The following RBFOX1 variants were observed in gnomAD, a reference collection of about 807,000 sequenced individuals.
RBFOX1 encodes RNA binding fox-1 homolog 1.
In RBFOX1, 8 loss-of-function variants were observed where a neutral mutation model predicts 57.7. The ratio of observed to expected loss-of-function variants is 0.14; its 90% CI spans 0.08 to 0.25. RBFOX1 has a LOEUF of 0.25. RBFOX1 is among the 10% of genes least tolerant of loss of function. RBFOX1 has a pLI of 1.00. For synonymous variants in RBFOX1, 326 were observed against 222.4 expected (o/e 1.47, Z -4.15); for missense variants, 611 against 548.5 (o/e 1.11, Z -1.14).
intron 3 of RBFOX1, among the ~76,000 whole-genome samples, chr16:6,863,759 A>C (rs2059429461): frequency 1.4e-5 from 1 of 71,980 alleles, no homozygotes; most frequent in African/African-American, 5.8e-5. Context: ...TTTTACCAAA[A>C]CCAAATACAA....
chr16:5,458,865 G>T (rs2068708110), intron 1 of RBFOX1, among the ~76,000 whole-genome samples: 1 of 152,174 alleles, frequency 6.6e-6, no homozygotes, highest in African/African-American at 2.4e-5. Flanking sequence ...TGGGGATATA[G>T]TAGAGAACAA....
chr16:6,149,979 T>G (rs1022408116), intron 1 of RBFOX1, among the ~76,000 whole-genome samples: 2 of 152,206 alleles, frequency 1.3e-5, no homozygotes, highest in African/African-American at 4.8e-5. Flanking sequence ...TCTTAGGGGA[T>G]CGCAGACATT....
chr16:6,003,588 T>C (rs931594909), intron 4 of RBFOX1, among the ~76,000 whole-genome samples: 1 of 149,830 alleles, frequency 6.7e-6, no homozygotes, highest in African/African-American at 2.5e-5. Flanking sequence ...CCTTTTTAAA[T>C]ACAGCGACAG....
chr16:7,441,571 T>C (rs2149895969), intron 4 of RBFOX1, among the ~76,000 whole-genome samples: 1 of 152,342 alleles, frequency 6.6e-6, no homozygotes, highest in African/African-American at 2.4e-5. Context: ...AAATCTACAC[T>C]TTAGTTTCAC....
chr16:6,335,735 A>ATG (rs2083551430), intron 2 of RBFOX1, among the ~76,000 whole-genome samples: 1 of 147,358 alleles, frequency 6.8e-6, no homozygotes, highest in East Asian at 2.0e-4. Context: ...CTGAGATCGC[A>ATG]CCACTACAGT....
intron 4 of RBFOX1, among the ~76,000 whole-genome samples, chr16:7,398,783 A>G (rs776016999): frequency 5.3e-5 from 8 of 152,104 alleles, no homozygotes; most frequent in Non-Finnish European, 1.0e-4. Context: ...GGGGCCAGCT[A>G]TTTTCATTGT....
At chr16:7,131,901 C>A (rs74927889) in intron 4 of RBFOX1, among the ~76,000 whole-genome samples, 3,766 of 152,082 alleles carry the variant, frequency 0.025, 158 homozygotes, top group African/African-American at 0.086. Flanking sequence ...GAGAGGCTTC[C>A]CAGTATCTTA....
At chr16:5,272,479 C>T (rs2063037125) in intron 1 of RBFOX1, among the ~76,000 whole-genome samples, 1 of 152,186 alleles carries the variant, frequency 6.6e-6, no homozygotes, top group Non-Finnish European at 1.5e-5. Context: ...GAAGCCCTAC[C>T]TGAGATTTCT....
chr16:6,865,669 C>A (rs981220487), intron 3 of RBFOX1, among the ~76,000 whole-genome samples: 1 of 152,164 alleles, frequency 6.6e-6, no homozygotes, highest in Non-Finnish European at 1.5e-5. Flanking sequence ...ACGTAGTAAT[C>A]CCTAATTCCT....
chr16:6,521,182 A>T (rs2096490331), intron 2 of RBFOX1, among the ~76,000 whole-genome samples: 1 of 152,120 alleles, frequency 6.6e-6, no homozygotes, highest in Admixed American at 6.6e-5. Flanking sequence ...AATACCTAAC[A>T]ATGGGTATTG....
At chr16:7,136,115 A>G (rs1453528374) in intron 4 of RBFOX1, among the ~76,000 whole-genome samples, 2 of 152,202 alleles carry the variant, frequency 1.3e-5, no homozygotes, top group Admixed American at 1.3e-4. Context: ...TCAAAGGAAG[A>G]GATTGGCTGG....
intron 1 of RBFOX1, among the ~76,000 whole-genome samples, chr16:5,271,686 C>G (rs1402317308): frequency 3.3e-5 from 5 of 152,212 alleles, no homozygotes; most frequent in Non-Finnish European, 2.9e-5. Flanking sequence ...AGGAGTTTAA[C>G]TTGTTCAAAA....
At chr16:6,812,683 C>T (rs75163675) in intron 3 of RBFOX1, among the ~76,000 whole-genome samples, 2 of 152,102 alleles carry the variant, frequency 1.3e-5, no homozygotes, top group South Asian at 2.1e-4. Context: ...GGCCTTGGTT[C>T]AGTTTTTAAT....
chr16:5,292,701 G>A (rs2063564657), intron 1 of RBFOX1, among the ~76,000 whole-genome samples: 1 of 151,998 alleles, frequency 6.6e-6, no homozygotes, highest in South Asian at 2.1e-4. Flanking sequence ...TCGGCTCACT[G>A]CAACCTCTGC....
intron 2 of RBFOX1, among the ~76,000 whole-genome samples, chr16:5,528,949 C>T (rs1054828380): frequency 1.3e-5 from 2 of 151,902 alleles, no homozygotes; most frequent in African/African-American, 4.8e-5. Context: ...CATGCCTGGC[C>T]ACCAATTCTC....
intron 4 of RBFOX1, among the ~76,000 whole-genome samples, chr16:7,277,652 C>T (rs2095466896): frequency 6.6e-6 from 1 of 151,716 alleles, no homozygotes; most frequent in Non-Finnish European, 1.5e-5. Flanking sequence ...CCTTAAAGGC[C>T]CAAGAAGCTT....
chr16:6,674,525 T>C (rs1455023672), intron 3 of RBFOX1, among the ~76,000 whole-genome samples: 1 of 152,148 alleles, frequency 6.6e-6, no homozygotes, highest in African/African-American at 2.4e-5. Flanking sequence ...TTTCGTCATG[T>C]TGATCAGGAT....
At chr16:7,510,247 T>C in intron 4 of RBFOX1, 9 of 985,822 alleles carry the variant, frequency 9.1e-6, no homozygotes, top group Non-Finnish European at 1.1e-5. Context: ...GGCAGATGCT[T>C]TGTGGTGTGG....
At chr16:6,833,262 T>C (rs192696063) in intron 3 of RBFOX1, among the ~76,000 whole-genome samples, 1 of 152,038 alleles carries the variant, frequency 6.6e-6, no homozygotes, top group South Asian at 2.1e-4. Context: ...GCCTCCCAGA[T>C]TGAAGAGATT....
Sources: allele counts gnomAD v4.1 joint callset (sites outside exome capture counted in the v4.1 genomes callset), GRCh38; gene constraint gnomAD v4.1.1; transcripts MANE v1.5; gene names NCBI Gene and HGNC (gene_info 2026-07-23, HGNC 2026-07-21).